ZNF432: variants seen among roughly 807,000 people sequenced by gnomAD.
ZNF432 encodes the protein zinc finger protein 432.
ZNF432 carries 10 observed loss-of-function variants against 13.9 expected under a neutral mutation model. The observed-to-expected ratio is 0.72, with a 90% CI of 0.44 to 1.22. ZNF432 has a LOEUF of 1.22. Among genes scored for constraint, ZNF432 ranks in the 50% most tolerant of loss-of-function variants. The pLI is 0.00. For synonymous variants in ZNF432, 247 were observed against 256.2 expected, an observed-to-expected ratio of 0.96 and a Z score of 0.34; for missense variants, 793 against 796.2, an observed-to-expected ratio of 1.00 and a Z score of 0.05.
chr19:52,042,336 C>T (rs907239124), intron 2 of ZNF432, among the ~76,000 whole-genome samples: 2 of 151,982 alleles, frequency 1.3e-5, no homozygotes, highest in Non-Finnish European at 2.9e-5. Flanking sequence ...ATAGCTTGAG[C>T]TCAGGAGTTC....
chr19:52,031,529 C>T lies in ZNF432; in HGVS notation c.*2191G>A, dbSNP rs1011350788. 5 of 152,214 alleles carry T rather than the reference C, an allele frequency of 3.3e-5. No individual in the cohort carries two copies. Among genetic ancestry groups the T allele is most frequent in the African/African-American group, 1.2e-4 (5 of 41,458 alleles). The allele number at this position is 152,214 out of a possible 1,614,324, so 9.4% of individuals were successfully genotyped here. On this transcript the variant is annotated 3_prime_UTR_variant, in exon 5 of 5. Transcript: ENST00000221315. Reference sequence around the variant, plus strand: ...GTAACAAAAATTAAAACTATTTAGACACCTAACAACTTGGATAGATCTTAA... The same window carrying T: ...GTAACAAAAATTAAAACTATTTAGATACCTAACAACTTGGATAGATCTTAA...
Position 52,035,050 on chromosome 19 carries a change from C to T in ZNF432, c.629G>A (p.Cys210Tyr), listed in dbSNP as rs150578448. 1,726 of 1,614,156 alleles carry T rather than the reference C, an allele frequency of 1.1e-3. 1 individual carries two copies. The highest frequency in any genetic ancestry group is 1.2e-3 in the Non-Finnish European group (1,442 of 1,180,030). ...EIEKNHVCSE[C>Y]GKAFVKKSQL... ...AGACTTCTTGACAAACGCTTTCCCA[C>T]ATTCACTGCATACGTGGTTTTTTTC... Residue 210 changes from cysteine to tyrosine, a missense_variant, in exon 5 of 5, where the codon TGT (cysteine) becomes TAT (tyrosine). Cys to Tyr is a radical substitution (Grantham distance 194). Transcript: ENST00000221315.
At chr19:52,047,413 A>T (rs1320120604) in intron 1 of ZNF432, 2 of 152,328 alleles carry the variant, frequency 1.3e-5, no homozygotes, top group Non-Finnish European at 2.9e-5. Flanking sequence ...ATGATGGCTT[A>T]CACCTGTAAT....
intron 2 of ZNF432, among the ~76,000 whole-genome samples, chr19:52,042,042 A>C (rs2087141332): frequency 6.6e-6 from 1 of 152,216 alleles, no homozygotes; most frequent in African/African-American, 2.4e-5. Flanking sequence ...AAAAAATAGA[A>C]ATGTACAGAA....
At chr19:52,039,906 A>AT (rs565794254) in intron 4 of ZNF432, among the ~76,000 whole-genome samples, 6,983 of 147,810 alleles carry the variant, frequency 0.047, 238 homozygotes, top group African/African-American at 0.094. Flanking sequence ...CTTGGAAACA[A>AT]TTTTTTTTTT....
At chr19:52,039,700 G>A (rs548987746) in intron 4 of ZNF432, among the ~76,000 whole-genome samples, 73 of 151,736 alleles carry the variant, frequency 4.8e-4, no homozygotes, top group African/African-American at 1.4e-3. Context: ...ATGATGGTGC[G>A]CGCCTGTAAT....
rs2087055397 is a variant in ZNF432, at chr19:52,034,644, G to A, written c.1035C>T (p.Tyr345=). 1 of 1,613,410 alleles carries A rather than the reference G, an allele frequency of 6.2e-7. No individual in the cohort carries two copies. The highest frequency in any genetic ancestry group is 1.7e-5 in the Admixed American group (1 of 59,948). Residue 345 remains tyrosine (Y), a synonymous_variant, in exon 5 of 5, where the codon TAC becomes TAT. Transcript: ENST00000221315. ...HQRTHTGEKP[Y]ICSECGKGFT... Reference sequence around the variant, plus strand: ...AGCCTTTCCCACATTCACTACAGATGTAGGGCTTCTCTCCTGTATGAGTTC... The same window carrying A: ...AGCCTTTCCCACATTCACTACAGATATAGGGCTTCTCTCCTGTATGAGTTC...
At chr19:52,038,789 C>T (rs897411413) in intron 4 of ZNF432, among the ~76,000 whole-genome samples, 3 of 152,236 alleles carry the variant, frequency 2.0e-5, no homozygotes, top group African/African-American at 4.8e-5. Flanking sequence ...CTCATCCAAA[C>T]AGAGATCTAG....
chr19:52,045,337 TTTTAC>T (rs2087170599), intron 2 of ZNF432, among the ~76,000 whole-genome samples: 1 of 149,622 alleles, frequency 6.7e-6, no homozygotes, highest in Admixed American at 6.8e-5. Context: ...GGGAATCTAC[TTTTAC>T]TTTTTTTACC....
rs748427355 is a variant in ZNF432 at position 52,034,705 on chromosome 19, C to G, written c.974G>C (p.Gly325Ala). 3 of 1,613,722 alleles carry G rather than the reference C, an allele frequency of 1.9e-6. No homozygotes were observed. The highest frequency in any genetic ancestry group is 1.3e-5 in the African/African-American group (1 of 74,864). The part of the protein sequence containing the change: ...KSYICSECGK[G>A]FTGKSMLIIH... ...AATAAGCATGCTCTTCCCAGTGAAG[C>G]CTTTTCCACATTCACTACATATATA... Residue 325 changes from glycine (G) to alanine (A), a missense_variant, in exon 5 of 5, where the codon GGC (glycine) becomes GCC (alanine). Transcript: ENST00000221315.
At chr19:52,040,631 G>A (rs750951991) in intron 3 of ZNF432, 48 bp from the exon 4 acceptor site, 9 of 1,473,016 alleles carry the variant, frequency 6.1e-6, no homozygotes, top group Non-Finnish European at 8.5e-6. Context: ...TTGGGCTGGG[G>A]TATGTAATGT....
Position 52,034,871 on chromosome 19 carries a change from A to G in ZNF432, c.808T>C (p.Phe270Leu). 1 of 1,613,968 alleles carries G rather than the reference A, an allele frequency of 6.2e-7. No individual in the cohort carries two copies. The highest frequency in any genetic ancestry group is 1.1e-5 in the South Asian group (1 of 91,006). ...TCAATCAGACGGCTCTTCATAGTGA[A>G]GACTTTTCCACATTCACTGCATATA... is the stretch of plus-strand genomic sequence containing the variant. ...SFICSECGKV[F>L]TMKSRLIEHQ... Residue 270 changes from phenylalanine (F) to leucine (L), a missense_variant, in exon 5 of 5, where the codon TTC (phenylalanine) becomes CTC (leucine). Coordinates refer to ENST00000221315, the MANE Select transcript of ZNF432 (RefSeq NM_014650.4).
chr19:52,041,338 G>A, intron 3 of ZNF432, 142 bp downstream of exon 3: 1 of 1,071,098 alleles, frequency 9.3e-7, no homozygotes, highest in Non-Finnish European at 1.3e-6. Context: ...AGGGGTGACG[G>A]TATATCCTTT....
At chr19:52,044,038 C>T (rs1235734301) in intron 2 of ZNF432, among the ~76,000 whole-genome samples, 1 of 151,994 alleles carries the variant, frequency 6.6e-6, no homozygotes, top group Non-Finnish European at 1.5e-5. Context: ...TTTTCTTTTC[C>T]AAGTCTCTCG....
intron 1 of ZNF432, among the ~76,000 whole-genome samples, chr19:52,047,982 A>G (rs1331551697): frequency 1.3e-5 from 2 of 151,960 alleles, no homozygotes; most frequent in Admixed American, 1.3e-4. Flanking sequence ...ACCCCCAAAA[A>G]ACTTTCATTT....
rs985704778 is a variant in ZNF432, at chr19:52,032,025, C to T, written c.*1695G>A. 1 of 152,116 alleles carries T rather than the reference C, an allele frequency of 6.6e-6. No homozygotes were observed. Among genetic ancestry groups the T allele is most frequent in the Non-Finnish European group, 1.5e-5 (1 of 68,010 alleles). 9.4% of individuals were successfully genotyped at this position (152,116 alleles called of 1,614,324 possible). The stretch of plus-strand genomic sequence containing the variant: ...TTATTATTATGGTTATGTAAGATAA[C>T]ATTGATGATGCTAAGCAAAGAATAC... On this transcript the variant is annotated 3_prime_UTR_variant, in exon 5 of 5. Transcript: ENST00000221315.
intron 2 of ZNF432, among the ~76,000 whole-genome samples, chr19:52,046,007 C>CAAAAAAAAAAAAAAAAAA (rs201110474): frequency 2.3e-5 from 2 of 87,058 alleles, no homozygotes; most frequent in Admixed American, 2.6e-4. Flanking sequence ...AAACAAAAAC[C>CAAAAAAAAAAAAAAAAAA]AAAAAAAAAA....
intron 2 of ZNF432, among the ~76,000 whole-genome samples, chr19:52,044,393 C>A (rs1316927899): frequency 6.6e-6 from 1 of 151,088 alleles, no homozygotes; most frequent in Non-Finnish European, 1.5e-5. Context: ...AAAAAAGGGA[C>A]AAATTTTATG....
At position 52,033,499 on chromosome 19, in the gene ZNF432, G is replaced by C. The variant is rs561486512; in HGVS notation, c.*221C>G. 1 of 510,634 alleles carries C rather than the reference G, an allele frequency of 2.0e-6. No homozygotes were observed. Among genetic ancestry groups the C allele is most frequent in the Admixed American group, 3.8e-5 (1 of 26,260 alleles). 31.6% of individuals were successfully genotyped at this position (510,634 alleles called of 1,614,324 possible). ...CCCCCAATCCACAGACTCTCTCTCA[G>C]ATGAGTAATTTTCTATACATTGGTA... On this transcript the variant is annotated 3_prime_UTR_variant, in exon 5 of 5. Coordinates refer to ENST00000221315, the MANE Select transcript of ZNF432 (RefSeq NM_014650.4).
Sources: gnomAD v4.1 joint callset for allele counts (sites outside exome capture counted in the v4.1 genomes callset) on GRCh38, gnomAD v4.1.1 for gene constraint, MANE v1.5 for transcripts, NCBI Gene and HGNC (gene_info 2026-07-23, HGNC 2026-07-21) for gene names.